RXFP1: variants seen among roughly 807,000 people sequenced by gnomAD.
RXFP1 encodes relaxin family peptide receptor 1.
A neutral mutation model predicts 89.8 loss-of-function variants in RXFP1; 73 were observed. The ratio of observed to expected loss-of-function variants is 0.81; its 90% CI spans 0.67 to 0.99. The LOEUF (loss-of-function observed/expected upper bound fraction) is 0.99, where lower values mean the gene tolerates loss of function less well. RXFP1 is among the 50% of genes least tolerant of loss of function. RXFP1 has a pLI of 0.00. For missense variants in RXFP1, 793 were observed against 895.5 expected, an observed-to-expected ratio of 0.89 and a Z score of 1.46; for synonymous variants, 277 against 305.5, an observed-to-expected ratio of 0.91 and a Z score of 0.97.
intron 6 of RXFP1, among the ~76,000 whole-genome samples, chr4:158,609,423 T>C (rs1207975522): frequency 6.6e-5 from 10 of 152,208 alleles, no homozygotes; most frequent in Admixed American, 6.5e-4. Context: ...AAAAAGGCTT[T>C]CTCAATGTTC....
chr4:158,589,252 A>G (rs1240725249), intron 2 of RXFP1, among the ~76,000 whole-genome samples: 2 of 152,162 alleles, frequency 1.3e-5, no homozygotes, highest in East Asian at 1.9e-4. Context: ...ACAAGTGGGT[A>G]TTATTACAAT....
At chr4:158,647,281 A>G in intron 16 of RXFP1, 80 bp downstream of exon 16, 1 of 1,127,148 alleles carries the variant, frequency 8.9e-7, no homozygotes, top group Non-Finnish European at 1.2e-6. Context: ...AATGAGGGTG[A>G]ATTCTATCAG....
At chr4:158,544,328 T>A in intron 1 of RXFP1, 1 of 985,356 alleles carries the variant, frequency 1.0e-6, no homozygotes, top group East Asian at 1.1e-4. Flanking sequence ...AACACTCTGA[T>A]GAGACAGCAT....
intron 5 of RXFP1, chr4:158,607,136 G>A: frequency 1.3e-6 from 2 of 1,535,066 alleles, no homozygotes; most frequent in Non-Finnish European, 1.7e-6. Flanking sequence ...TCTGGGGCAA[G>A]TACACATAGA....
chr4:158,573,632 A>G (rs768680096), intron 2 of RXFP1, among the ~76,000 whole-genome samples: 6 of 152,138 alleles, frequency 3.9e-5, no homozygotes, highest in African/African-American at 4.8e-5. Flanking sequence ...AAACCTGCCC[A>G]AGTAAGGTGT....
intron 2 of RXFP1, among the ~76,000 whole-genome samples, chr4:158,574,303 T>C (rs909838323): frequency 4.6e-5 from 7 of 152,184 alleles, no homozygotes; most frequent in Non-Finnish European, 4.4e-5. Flanking sequence ...CCCCCAAGTA[T>C]TTCAGGCTTT....
chr4:158,626,121 TAGATAGATAGATAGATAG>T (rs1766696414), intron 9 of RXFP1, among the ~76,000 whole-genome samples: 1 of 103,516 alleles, frequency 9.7e-6, no homozygotes, highest in African/African-American at 3.7e-5. Context: ...TATAGATAGA[TAGATAGATAGATAGATAG>T]ATAGATAGAT....
In RXFP1 at chr4:158,577,085, C is replaced by T. The variant is rs144214142; in HGVS notation, c.187+4250C>T. 6.3e-3 allele frequency among the ~76,000 whole-genome samples: 965 copies of T among 152,142 alleles called. 2 individuals carry two copies. Among genetic ancestry groups the T allele is most frequent in the Non-Finnish European group, 0.011 (725 of 68,012 alleles). ...AGACAGTCTCATTCTGTCACCCAGG[C>T]TGGAGTGCAGTGGCGTGATCTCAGC... On this transcript the variant is annotated intron_variant, in intron 2 of 17. Coordinates refer to ENST00000307765, the MANE Select transcript of RXFP1 (RefSeq NM_021634.4).
intron 1 of RXFP1, among the ~76,000 whole-genome samples, chr4:158,523,658 A>G (rs1479095714): frequency 6.6e-6 from 1 of 152,114 alleles, no homozygotes; most frequent in Non-Finnish European, 1.5e-5. Context: ...TTTGCAGCAA[A>G]GTTTGGCAAG....
intron 2 of RXFP1, among the ~76,000 whole-genome samples, chr4:158,590,736 C>A (rs1446202610): frequency 1.3e-5 from 2 of 152,166 alleles, no homozygotes; most frequent in Non-Finnish European, 2.9e-5. Context: ...TCCGATGTTT[C>A]CATCCTTGAG....
chr4:158,647,783 C>T (rs983912207), intron 16 of RXFP1, among the ~76,000 whole-genome samples: 2 of 151,800 alleles, frequency 1.3e-5, no homozygotes, highest in Non-Finnish European at 2.9e-5. Flanking sequence ...TTTGGGAGGC[C>T]GAGGCGGGCC....
intron 1 of RXFP1, among the ~76,000 whole-genome samples, chr4:158,568,698 A>G (rs1030589135): frequency 6.6e-5 from 10 of 152,292 alleles, no homozygotes; most frequent in Admixed American, 4.6e-4. Context: ...ACAGCTCATT[A>G]TTATATACAT....
rs1017490889 is a variant in RXFP1, at chr4:158,534,343, G to T, written c.49+12318G>T. On this transcript the variant is annotated intron_variant, in intron 1 of 17. Transcript: ENST00000307765. ...GCTCATTGCAACCTCCACCTCCTGG[G>T]TTCAAATGATTCTGCTGCCTCAGCC... Among the ~76,000 whole-genome samples the T allele has an allele frequency of 8.6e-5, 13 of 151,410 alleles. No homozygotes were observed. In the South Asian group the frequency reaches 1.0e-3, roughly 12 times the overall value.
chr4:158,555,488 G>A (rs1751073123), intron 1 of RXFP1, among the ~76,000 whole-genome samples: 1 of 152,170 alleles, frequency 6.6e-6, no homozygotes, highest in Non-Finnish European at 1.5e-5. Context: ...TTTGGTCTTT[G>A]AATTACATTG....
intron 1 of RXFP1, among the ~76,000 whole-genome samples, chr4:158,535,444 A>C (rs961457243): frequency 5.9e-5 from 9 of 152,228 alleles, no homozygotes; most frequent in Non-Finnish European, 1.2e-4. Flanking sequence ...TGGCCATTGC[A>C]CTTGAGTCAC....
intron 2 of RXFP1, among the ~76,000 whole-genome samples, chr4:158,587,318 G>A (rs1337904310): frequency 1.3e-5 from 2 of 152,054 alleles, no homozygotes; most frequent in African/African-American, 4.8e-5. Context: ...TTGTAACATC[G>A]ATAAACATAT....
At position 158,544,396 on chromosome 4, in the gene RXFP1, T is replaced by A. The variant is rs1057023702; in HGVS notation, c.49+22371T>A. On this transcript the variant is annotated intron_variant, in intron 1 of 17. Transcript: ENST00000307765. ...GACAGATCACCCAGAATGGACATGGTCATAGAGGAAGTAAGTTAGAAGCTA... is the reference window on the plus strand; with the variant it reads ...GACAGATCACCCAGAATGGACATGGACATAGAGGAAGTAAGTTAGAAGCTA... The A allele has an allele frequency of 6.1e-6, 6 of 980,154 alleles. No homozygotes were observed. In the African/African-American group the frequency reaches 1.1e-4, roughly 17 times the overall value. The allele number at this position is 980,154 out of a possible 1,614,324, so 60.7% of individuals were successfully genotyped here. A position where few individuals can be genotyped will look rare whatever the true frequency, so the allele number is the denominator to read the frequency against.
intron 9 of RXFP1, among the ~76,000 whole-genome samples, chr4:158,620,592 C>G (rs914041307): frequency 1.3e-5 from 2 of 151,902 alleles, no homozygotes; most frequent in South Asian, 4.2e-4. Context: ...AAAACAAAGA[C>G]AAGAAAAACA....
At chr4:158,563,939 CAT>C (rs1464713554) in intron 1 of RXFP1, among the ~76,000 whole-genome samples, 1 of 147,076 alleles carries the variant, frequency 6.8e-6, no homozygotes, top group Non-Finnish European at 1.5e-5. Flanking sequence ...TAATGTATAA[CAT>C]GTTATATATA....
Sources: gnomAD v4.1 joint callset for allele counts (sites outside exome capture counted in the v4.1 genomes callset) on GRCh38, gnomAD v4.1.1 for gene constraint, MANE v1.5 for transcripts, NCBI Gene and HGNC (gene_info 2026-07-23, HGNC 2026-07-21) for gene names.